Variants in SEMA5B observed in about 807,000 individuals in gnomAD.
SEMA5B encodes semaphorin-5B.
Under a neutral mutation model 135.0 loss-of-function variants are expected in SEMA5B, and 66 were observed. That is an observed-to-expected ratio of 0.49 (90% confidence interval 0.40 to 0.60). SEMA5B has a LOEUF of 0.60. Ranked by LOEUF, SEMA5B falls within the 20% of genes least tolerant of loss-of-function variation. SEMA5B has a pLI of 0.00. For synonymous variants in SEMA5B, 690 were observed against 639.5 expected (o/e 1.08, Z -1.19); for missense variants, 1,501 against 1,566.3 (o/e 0.96, Z 0.70).
In SEMA5B at chr3:122,929,024, C is replaced by T. The variant is rs747653179; in HGVS notation, c.509G>A (p.Arg170His). ...AGTCTTCCCTTTGCTTTGGCAGGAGCGGCGCGTGTCCTCACTGGAGGCCCA... is the reference window on the plus strand; with the variant it reads ...AGTCTTCCCTTTGCTTTGGCAGGAGTGGCGCGTGTCCTCACTGGAGGCCCA... The part of the protein sequence containing the change: ...TEWASSEDTR[R>H]SCQSKGKTEE... Residue 170 changes from arginine to histidine, a missense_variant, in exon 6 of 23, where the codon CGC becomes CAC. Around this residue, in one of 2 missense-constraint regions of SEMA5B, gnomAD observed 574 missense variants for 684.7 expected, o/e 0.84. Transcript: ENST00000357599. 1.3e-5 allele frequency: 21 copies of T among 1,612,176 alleles called. No homozygotes were observed. Among genetic ancestry groups the T allele is most frequent in the East Asian group, 2.2e-5 (1 of 44,890 alleles).
At chr3:122,961,052 T>C (rs11716214) in intron 2 of SEMA5B, 88 bp downstream of exon 2, 835 of 1,389,064 alleles carry the variant, frequency 6.0e-4, no homozygotes, top group Middle Eastern at 1.3e-3. Flanking sequence ...GGTATGCTGA[T>C]GATGCCCCAG....
chr3:122,966,544 T>TA (rs1940831423), intron 1 of SEMA5B, among the ~76,000 whole-genome samples: 1 of 147,212 alleles, frequency 6.8e-6, no homozygotes, highest in Non-Finnish European at 1.5e-5. Flanking sequence ...TGTTTATTAT[T>TA]ATTATTATTA....
At chr3:122,929,390 G>A (rs1020175361) in intron 5 of SEMA5B, among the ~76,000 whole-genome samples, 4 of 152,216 alleles carry the variant, frequency 2.6e-5, no homozygotes, top group African/African-American at 9.6e-5. Context: ...GGAAGTGGCC[G>A]AAGGACCTTC....
chr3:122,942,646 G>T (rs1313988060), intron 4 of SEMA5B, among the ~76,000 whole-genome samples: 1 of 152,292 alleles, frequency 6.6e-6, no homozygotes, highest in East Asian at 1.9e-4. Context: ...AAATAAGGAC[G>T]GTTGGATGAC....
Position 122,921,979 on chromosome 3 carries a change from C to T in SEMA5B, c.1624G>A (p.Val542Met). Residue 542 changes from valine to methionine, a missense_variant, in exon 12 of 23, where the codon GTG becomes ATG. Transcript: ENST00000357599. The stretch of plus-strand genomic sequence containing the variant: ...CGCAGGACGCCGTCTCTCAGCCCCA[C>T]GAAGAGCGCGCGGGCGCTGTGCAGG... ...RILHSARALF[V>M]GLRDGVLRVP... 1 of 1,535,468 alleles carries T rather than the reference C, an allele frequency of 6.5e-7. No individual in the cohort carries two copies. The highest frequency in any genetic ancestry group is 1.2e-5 in the South Asian group (1 of 83,562).
chr3:122,924,926 C>A (rs1449068683), intron 9 of SEMA5B, among the ~76,000 whole-genome samples: 1 of 152,192 alleles, frequency 6.6e-6, no homozygotes, highest in African/African-American at 2.4e-5. Context: ...ATATCCATCA[C>A]CCTGTTTAAG....
At chr3:122,918,680 C>T (rs1160272050) in intron 12 of SEMA5B, among the ~76,000 whole-genome samples, 5 of 152,194 alleles carry the variant, frequency 3.3e-5, no homozygotes, top group African/African-American at 9.7e-5. Context: ...AAGAGGATAC[C>T]AGATTCTTCA....
chr3:122,994,533 T>C (rs903947050), intron 1 of SEMA5B, among the ~76,000 whole-genome samples: 8 of 151,962 alleles, frequency 5.3e-5, no homozygotes, highest in African/African-American at 1.7e-4. Flanking sequence ...TAGGGAGAAA[T>C]GGAGAACAAG....
chr3:122,959,028 T>C (rs1471165392), intron 2 of SEMA5B, among the ~76,000 whole-genome samples: 1 of 152,184 alleles, frequency 6.6e-6, no homozygotes, highest in Non-Finnish European at 1.5e-5. Context: ...TGACACAGAT[T>C]ACATGGTTCA....
At chr3:122,981,519 T>G (rs766374945) in intron 1 of SEMA5B, among the ~76,000 whole-genome samples, 7 of 152,184 alleles carry the variant, frequency 4.6e-5, no homozygotes, top group Admixed American at 1.3e-4. Context: ...GAGAGTCAGA[T>G]CTAACTTCCT....
chr3:122,943,287 G>A (rs1200720490), intron 4 of SEMA5B, 149 bp downstream of exon 4: 8 of 592,440 alleles, frequency 1.4e-5, no homozygotes, highest in African/African-American at 1.3e-4. Flanking sequence ...CCTCCTGTGG[G>A]GGGACAGACA....
intron 1 of SEMA5B, among the ~76,000 whole-genome samples, chr3:122,998,696 C>T (rs1016685792): frequency 3.9e-5 from 6 of 152,174 alleles, no homozygotes. Context: ...CTCCTGGCCT[C>T]CTTTAGGCCC....
At chr3:122,957,594 TGA>T (rs1389367824) in intron 2 of SEMA5B, among the ~76,000 whole-genome samples, 1 of 152,252 alleles carries the variant, frequency 6.6e-6, no homozygotes, top group Non-Finnish European at 1.5e-5. Context: ...GATGGGGGCT[TGA>T]GTACAAATGC....
chr3:123,002,376 C>G (rs1270617466), intron 1 of SEMA5B, among the ~76,000 whole-genome samples: 1 of 152,230 alleles, frequency 6.6e-6, no homozygotes, highest in Non-Finnish European at 1.5e-5. Flanking sequence ...GTCCTGCTCC[C>G]AAATGCTTTT....
intron 1 of SEMA5B, among the ~76,000 whole-genome samples, chr3:122,973,558 T>C (rs2107653304): frequency 6.6e-6 from 1 of 152,324 alleles, no homozygotes; most frequent in African/African-American, 2.4e-5. Context: ...AGTTCATCTG[T>C]GAAGGTCGTG....
At chr3:122,989,954 A>C (rs1432922198) in intron 1 of SEMA5B, among the ~76,000 whole-genome samples, 1 of 152,156 alleles carries the variant, frequency 6.6e-6, no homozygotes, top group Non-Finnish European at 1.5e-5. Context: ...GGGGTGACTA[A>C]AGATCCCAGG....
intron 10 of SEMA5B, 102 bp from the exon 11 acceptor site, chr3:122,922,549 C>T (rs1938419134): frequency 7.4e-6 from 8 of 1,083,654 alleles, no homozygotes; most frequent in Non-Finnish European, 9.3e-6. Context: ...CAGCAGCGGA[C>T]GCTGATTCTC....
chr3:122,999,085 G>A (rs181533753), intron 1 of SEMA5B, among the ~76,000 whole-genome samples: 127 of 152,298 alleles, frequency 8.3e-4, no homozygotes, highest in African/African-American at 2.9e-3. Context: ...CCAGCCCGGA[G>A]GCCCTCCTTC....
At chr3:122,976,956 A>T (rs529994409) in intron 1 of SEMA5B, among the ~76,000 whole-genome samples, 1 of 152,208 alleles carries the variant, frequency 6.6e-6, no homozygotes, top group South Asian at 2.1e-4. Context: ...AGGCTGAAGC[A>T]CAAGAATCAC....
Sources: gnomAD v4.1 joint callset for allele counts (sites outside exome capture counted in the v4.1 genomes callset) on GRCh38, gnomAD v4.1.1 for gene constraint, gnomAD v4.1.1 regional missense constraint, MANE v1.5 for transcripts, NCBI Gene and HGNC (gene_info 2026-07-23, HGNC 2026-07-21) for gene names.